The following TLL1 variants were observed in gnomAD, a reference collection of about 807,000 sequenced individuals.
TLL1 encodes tolloid-like protein 1.
Under a neutral mutation model 128.2 loss-of-function variants are expected in TLL1, and 49 were observed. The observed-to-expected ratio is 0.38, with a 90% confidence interval of 0.30 to 0.48. The LOEUF (loss-of-function observed/expected upper bound fraction) is 0.48. Ranked by LOEUF, TLL1 falls within the 20% of genes least tolerant of loss-of-function variation. The probability of loss-of-function intolerance (pLI) is 0.96; values close to 1 mark genes in which losing one functional copy is unlikely to be tolerated. For missense variants in TLL1, 1,123 were observed against 1,242.0 expected (o/e 0.90, Z 1.44); for synonymous variants, 454 against 418.8 (o/e 1.08, Z -1.03).
intron 1 of TLL1, among the ~76,000 whole-genome samples, chr4:165,876,372 G>A (rs186994181): frequency 7.2e-5 from 11 of 152,286 alleles, no homozygotes; most frequent in Non-Finnish European, 5.9e-5. Context: ...GGAAGATGGG[G>A]ACGGGTCTGT....
At chr4:166,055,503 G>A (rs28552888) in intron 13 of TLL1, among the ~76,000 whole-genome samples, 18,906 of 152,010 alleles carry the variant, frequency 0.12, 2,327 homozygotes, top group African/African-American at 0.32. Context: ...TTTATGAAAT[G>A]GTCAAAACAG....
chr4:166,049,063 A>T (rs549579308), intron 12 of TLL1, among the ~76,000 whole-genome samples: 1 of 152,338 alleles, frequency 6.6e-6, no homozygotes, highest in East Asian at 1.9e-4. Context: ...TAATTAGTTA[A>T]GGATTTTCTG....
chr4:165,966,957 T>G (rs571001641), intron 1 of TLL1, among the ~76,000 whole-genome samples: 80 of 152,318 alleles, frequency 5.3e-4, no homozygotes, highest in African/African-American at 1.8e-3. Flanking sequence ...TTCCTAGTCC[T>G]AACAGGCCTG....
At chr4:166,086,883 G>C (rs1741540822) in intron 18 of TLL1, among the ~76,000 whole-genome samples, 1 of 152,000 alleles carries the variant, frequency 6.6e-6, no homozygotes, top group South Asian at 2.1e-4. Flanking sequence ...CATTTGCTTT[G>C]TTTTTATTAT....
At position 165,973,359 on chromosome 4, in the gene TLL1, T is replaced by A. The variant is rs1183243474; in HGVS notation, c.170-16022T>A. 2.0e-5 allele frequency among the ~76,000 whole-genome samples: 3 copies of A among 151,760 alleles called. No individual in the cohort carries two copies. The East Asian group carries it at 5.9e-4, about 30-fold the overall frequency. On this transcript the variant is annotated intron_variant, in intron 1 of 20. Transcript: ENST00000061240. ...GATTTCCTATCCTGGGATAGCACCATCCCAGGATGGTGCTATCAAATAAAT... is the reference window on the plus strand; with the variant it reads ...GATTTCCTATCCTGGGATAGCACCAACCCAGGATGGTGCTATCAAATAAAT...
intron 18 of TLL1, among the ~76,000 whole-genome samples, chr4:166,088,478 A>G (rs1039589596): frequency 1.3e-4 from 20 of 152,078 alleles, no homozygotes; most frequent in African/African-American, 4.3e-4. Context: ...TCTTTACTAT[A>G]CAAGGGACAG....
At chr4:165,960,369 G>A (rs760880242) in intron 1 of TLL1, among the ~76,000 whole-genome samples, 1 of 152,054 alleles carries the variant, frequency 6.6e-6, no homozygotes, top group Non-Finnish European at 1.5e-5. Flanking sequence ...TGTATTTACA[G>A]CCAAATTCTA....
chr4:166,088,486 C>G (rs539803127), intron 18 of TLL1, among the ~76,000 whole-genome samples: 1 of 152,016 alleles, frequency 6.6e-6, no homozygotes, highest in Non-Finnish European at 1.5e-5. Context: ...ATACAAGGGA[C>G]AGACTTCCGA....
At chr4:166,047,289 C>A (rs1042089965) in intron 12 of TLL1, among the ~76,000 whole-genome samples, 1 of 151,354 alleles carries the variant, frequency 6.6e-6, no homozygotes, top group African/African-American at 2.4e-5. Context: ...CTCAGCCTCC[C>A]GAGTAGCTGG....
intron 10 of TLL1, 78 bp from the exon 11 acceptor site, chr4:166,041,949 A>G (rs977898830): frequency 2.1e-6 from 2 of 973,994 alleles, no homozygotes; most frequent in South Asian, 1.3e-5. Flanking sequence ...TTTACATATT[A>G]TTTGTGACTA....
intron 20 of TLL1, among the ~76,000 whole-genome samples, chr4:166,099,819 T>C (rs1742208950): frequency 6.6e-6 from 1 of 152,158 alleles, no homozygotes; most frequent in Non-Finnish European, 1.5e-5. Flanking sequence ...AATATTTAAA[T>C]ACTTAATCTA....
chr4:165,911,230 C>T (rs1194065668), intron 1 of TLL1, among the ~76,000 whole-genome samples: 1 of 152,168 alleles, frequency 6.6e-6, no homozygotes, highest in East Asian at 1.9e-4. Flanking sequence ...TATTATTCTA[C>T]TCTCTACCTC....
At position 166,003,431 on chromosome 4, in the gene TLL1, G is replaced by A. The variant is rs1737259227; in HGVS notation, c.673G>A (p.Ala225Thr). ...AGGTCGGCGAGGAAATGGACCTCAG[G>A]CAATCTCTATCGGCAAGAACTGTGA... is the stretch of plus-strand genomic sequence containing the variant. Reference protein sequence around the residue: ...YVGRRGNGPQAISIGKNCDKF... With the variant: ...YVGRRGNGPQTISIGKNCDKF... The change falls in exon 6 of 21, where the codon GCA becomes ACA. Residue 225 changes from alanine to threonine, a missense_variant. Physicochemically the swap from Ala to Thr is moderately conservative, Grantham distance 58. Coordinates refer to ENST00000061240, the MANE Select transcript of TLL1 (RefSeq NM_012464.5). 2 of 1,613,858 alleles carry A rather than the reference G, an allele frequency of 1.2e-6. No individual in the cohort carries two copies. Among genetic ancestry groups the A allele is most frequent in the Non-Finnish European group, 1.7e-6 (2 of 1,179,964 alleles).
intron 9 of TLL1, among the ~76,000 whole-genome samples, chr4:166,032,046 A>G (rs1259292405): frequency 2.0e-5 from 3 of 152,192 alleles, no homozygotes; most frequent in Non-Finnish European, 2.9e-5. Flanking sequence ...GACATTTGCC[A>G]GAGCTAATTA....
rs114344339 is a variant in TLL1, at chr4:166,025,365, A to C, written c.1092A>C (p.Gly364=). ...CCAATGGCAACCTTTCCTCTCCAGG[A>C]TTTCCCAATGGCTACCCTTCTTACA... is the stretch of plus-strand genomic sequence containing the variant. ...QESNGNLSSP[G]FPNGYPSYTH... The change falls in exon 9 of 21, where the codon GGA becomes GGC. Residue 364 remains glycine (G), a synonymous_variant. Coordinates refer to ENST00000061240, the MANE Select transcript of TLL1 (RefSeq NM_012464.5). The C allele has an allele frequency of 6.2e-7, 1 of 1,613,970 alleles. No individual in the cohort carries two copies. Among genetic ancestry groups the C allele is most frequent in the Non-Finnish European group, 8.5e-7 (1 of 1,179,910 alleles).
intron 1 of TLL1, among the ~76,000 whole-genome samples, chr4:165,917,210 A>G (rs1447186614): frequency 6.6e-6 from 1 of 152,052 alleles, no homozygotes; most frequent in Non-Finnish European, 1.5e-5. Context: ...CTTTTCTGAA[A>G]TTGAAAAAAA....
At chr4:165,976,160 A>G (rs1735878191) in intron 1 of TLL1, among the ~76,000 whole-genome samples, 1 of 152,232 alleles carries the variant, frequency 6.6e-6, no homozygotes, top group Admixed American at 6.5e-5. Flanking sequence ...GAGCAACTGA[A>G]AAGAATGAAT....
intron 1 of TLL1, among the ~76,000 whole-genome samples, chr4:165,898,695 T>A (rs1359211932): frequency 6.6e-6 from 1 of 152,198 alleles, no homozygotes; most frequent in Non-Finnish European, 1.5e-5. Flanking sequence ...TTTTTCCATT[T>A]TTTTGTGTCT....
rs976076734 is a variant in TLL1, at chr4:166,101,567, C to T, written c.*691C>T. The T allele has an allele frequency of 6.6e-6, 1 of 152,506 alleles. No individual in the cohort carries two copies. Among genetic ancestry groups the T allele is most frequent in the Non-Finnish European group, 1.5e-5 (1 of 68,030 alleles). 9.4% of individuals were successfully genotyped at this position (152,506 alleles called of 1,614,324 possible). ...CTAATTATTGCAGTTAAATTCTAGA[C>T]ATCAGTTCTTTAAGTCTCAGAAAAC... On this transcript the variant is annotated 3_prime_UTR_variant, in exon 21 of 21. Coordinates refer to ENST00000061240, the MANE Select transcript of TLL1 (RefSeq NM_012464.5).
Sources: allele counts gnomAD v4.1 joint callset (sites outside exome capture counted in the v4.1 genomes callset), GRCh38; gene constraint gnomAD v4.1.1; transcripts MANE v1.5; gene names NCBI Gene and HGNC (gene_info 2026-07-23, HGNC 2026-07-21).